The following RBPMS variants were observed in gnomAD, a reference collection of about 807,000 sequenced individuals.
The protein encoded by RBPMS is RNA binding protein, mRNA processing factor, also known as RNA-binding protein with multiple splicing.
Under a neutral mutation model 26.8 loss-of-function variants are expected in RBPMS, and 7 were observed. The observed-to-expected ratio is 0.26, with a 90% CI of 0.15 to 0.49. The LOEUF (loss-of-function observed/expected upper bound fraction) is 0.49, where lower values mean the gene tolerates loss of function less well. RBPMS is among the 20% of genes least tolerant of loss of function. RBPMS has a pLI of 0.98. For synonymous variants in RBPMS, 96 were observed against 93.3 expected, an observed-to-expected ratio of 1.03 and a Z score of -0.17; for missense variants, 186 against 250.0, an observed-to-expected ratio of 0.74 and a Z score of 1.73.
At chr8:30,414,855 T>G (rs1809879218) in intron 1 of RBPMS, among the ~76,000 whole-genome samples, 1 of 152,180 alleles carries the variant, frequency 6.6e-6, no homozygotes, top group African/African-American at 2.4e-5. Flanking sequence ...TTGGCCTCCA[T>G]GACACCACAC....
intron 5 of RBPMS, among the ~76,000 whole-genome samples, chr8:30,524,361 C>T (rs1311214985): frequency 1.3e-5 from 2 of 152,066 alleles, no homozygotes; most frequent in African/African-American, 2.4e-5. Context: ...TACCAATGTA[C>T]ACAGCCAACA....
At chr8:30,562,419 G>A (rs753220601) in intron 7 of RBPMS, among the ~76,000 whole-genome samples, 11 of 152,056 alleles carry the variant, frequency 7.2e-5, no homozygotes, top group African/African-American at 1.2e-4. Context: ...CTCCTTCCTC[G>A]GAGCCTGTGG....
intron 1 of RBPMS, among the ~76,000 whole-genome samples, chr8:30,461,666 A>T (rs1815922962): frequency 6.6e-6 from 1 of 152,168 alleles, no homozygotes; most frequent in African/African-American, 2.4e-5. Flanking sequence ...AAGTGCTGGG[A>T]TTACAGGTGT....
At chr8:30,556,864 C>T (rs553989568) in intron 6 of RBPMS, 1 of 700,546 alleles carries the variant, frequency 1.4e-6, no homozygotes, top group Non-Finnish European at 1.8e-6. Context: ...CTGTCCCCTT[C>T]CCTGCCCGCC....
At chr8:30,390,661 T>C (rs1807684232) in intron 1 of RBPMS, among the ~76,000 whole-genome samples, 1 of 152,202 alleles carries the variant, frequency 6.6e-6, no homozygotes, top group South Asian at 2.1e-4. Flanking sequence ...CACCTGAATG[T>C]CCCATCCCAT....
chr8:30,427,785 C>G (rs1318295049), intron 1 of RBPMS, among the ~76,000 whole-genome samples: 1 of 152,152 alleles, frequency 6.6e-6, no homozygotes, highest in Non-Finnish European at 1.5e-5. Context: ...GACGCAGATT[C>G]TAGCTTTGTG....
chr8:30,422,993 C>A (rs547101217), intron 1 of RBPMS, among the ~76,000 whole-genome samples: 1 of 152,304 alleles, frequency 6.6e-6, no homozygotes, highest in Admixed American at 6.5e-5. Context: ...ATTTTGTAGC[C>A]ATCATGTTCA....
chr8:30,410,099 G>A (rs1050108429), intron 1 of RBPMS, among the ~76,000 whole-genome samples: 5 of 149,820 alleles, frequency 3.3e-5, no homozygotes, highest in African/African-American at 1.2e-4. Context: ...CCTCCATGGG[G>A]ACTTAAACAT....
chr8:30,449,877 G>A (rs1470839802), intron 1 of RBPMS, among the ~76,000 whole-genome samples: 2 of 152,174 alleles, frequency 1.3e-5, no homozygotes, highest in Non-Finnish European at 2.9e-5. Context: ...CTCCTTCAGG[G>A]CCAGATTCTA....
At position 30,450,279 on chromosome 8, in the gene RBPMS, A is replaced by G. The variant is rs534122929; in HGVS notation, c.67-24500A>G. 1.1e-3 allele frequency among the ~76,000 whole-genome samples: 175 copies of G among 152,324 alleles called. 1 individual carries two copies. The highest frequency in any genetic ancestry group is 4.1e-3 in the African/African-American group (171 of 41,566). Reference sequence around the variant, plus strand: ...GGAGGTAGACTATTTAATCATTTGCATGCTAGTTTCTAAGAATTCATAATT... The same window carrying G: ...GGAGGTAGACTATTTAATCATTTGCGTGCTAGTTTCTAAGAATTCATAATT... On this transcript the variant is annotated intron_variant, in intron 1 of 8. Coordinates refer to ENST00000397323, the MANE Select transcript of RBPMS (RefSeq NM_001008710.3).
chr8:30,411,457 G>A (rs1436599588), intron 1 of RBPMS, among the ~76,000 whole-genome samples: 1 of 151,982 alleles, frequency 6.6e-6, no homozygotes, highest in Non-Finnish European at 1.5e-5. Flanking sequence ...TTGAGCTCAG[G>A]AGTTCGAGAC....
At chr8:30,503,203 G>A (rs1325525750) in intron 4 of RBPMS, among the ~76,000 whole-genome samples, 1 of 152,124 alleles carries the variant, frequency 6.6e-6, no homozygotes, top group Non-Finnish European at 1.5e-5. Context: ...AGCCTGTGAA[G>A]TTCAGAGTTG....
intron 1 of RBPMS, among the ~76,000 whole-genome samples, chr8:30,450,192 A>G (rs1814394293): frequency 1.3e-5 from 2 of 152,382 alleles, no homozygotes; most frequent in Middle Eastern, 3.4e-3. Flanking sequence ...TTTAAAATCA[A>G]CGAGCATAGT....
intron 4 of RBPMS, among the ~76,000 whole-genome samples, chr8:30,488,421 G>C (rs1585634060): frequency 6.6e-6 from 1 of 152,154 alleles, no homozygotes; most frequent in East Asian, 1.9e-4. Flanking sequence ...AAAGAACATT[G>C]AATAGAAGGC....
intron 1 of RBPMS, among the ~76,000 whole-genome samples, chr8:30,452,104 G>A (rs1205641670): frequency 3.3e-5 from 5 of 152,250 alleles, no homozygotes; most frequent in African/African-American, 1.2e-4. Context: ...GGCTGCATTC[G>A]TGTGTCTGAG....
chr8:30,386,889 G>A (rs1204842997), intron 1 of RBPMS, among the ~76,000 whole-genome samples: 1 of 151,960 alleles, frequency 6.6e-6, no homozygotes, highest in East Asian at 1.9e-4. Context: ...TAGCAAAAGA[G>A]GTTCAATGTC....
intron 5 of RBPMS, among the ~76,000 whole-genome samples, chr8:30,538,641 G>A (rs1825063745): frequency 6.6e-6 from 1 of 152,130 alleles, no homozygotes; most frequent in Non-Finnish European, 1.5e-5. Flanking sequence ...GACATTCTAT[G>A]GGAACTGTAT....
rs1380644427 is a variant in RBPMS at position 30,487,364 on chromosome 8, A to G, written c.246+7987A>G. On this transcript the variant is annotated intron_variant, in intron 4 of 8. Transcript: ENST00000397323. ...TGAACTTTTGCTCCACAAAGCTAGA[A>G]CCCTTGGTCTTACTCTGTAACTGGA... is the stretch of plus-strand genomic sequence containing the variant. Among the ~76,000 whole-genome samples the G allele has an allele frequency of 2.6e-5, 4 of 152,220 alleles. No individual in the cohort carries two copies. In the South Asian group the frequency reaches 6.2e-4, roughly 24 times the overall value.
intron 5 of RBPMS, among the ~76,000 whole-genome samples, chr8:30,530,876 G>A (rs1430827969): frequency 1.3e-5 from 2 of 151,968 alleles, no homozygotes; most frequent in Non-Finnish European, 2.9e-5. Context: ...AAATTTGCCC[G>A]AGGTCACATA....
Sources: gnomAD v4.1 joint callset for allele counts (sites outside exome capture counted in the v4.1 genomes callset) on GRCh38, gnomAD v4.1.1 for gene constraint, MANE v1.5 for transcripts, NCBI Gene and HGNC (gene_info 2026-07-23, HGNC 2026-07-21) for gene names.